UNC13B: variants seen among roughly 807,000 people sequenced by gnomAD.
UNC13B encodes the protein protein unc-13 homolog B.
Under a neutral mutation model 211.0 loss-of-function variants are expected in UNC13B, and 144 were observed. That is an observed-to-expected ratio of 0.68 (90% CI 0.60 to 0.78). The LOEUF (loss-of-function observed/expected upper bound fraction) is 0.78, where lower values mean the gene tolerates loss of function less well. UNC13B is among the 30% of genes least tolerant of loss of function. The pLI is 0.00. For synonymous variants in UNC13B, 709 were observed against 725.8 expected (o/e 0.98, Z 0.37); for missense variants, 1,777 against 2,002.0 (o/e 0.89, Z 2.14).
At chr9:35,345,502 G>A (rs561167971) in intron 11 of UNC13B, among the ~76,000 whole-genome samples, 2 of 152,264 alleles carry the variant, frequency 1.3e-5, no homozygotes, top group South Asian at 4.1e-4. Flanking sequence ...TACTAAGGGT[G>A]AAAGATGAGG....
chr9:35,397,730 G>T lies in UNC13B; in HGVS notation c.11754+18G>T, dbSNP rs768785736. 6.8e-6 allele frequency: 11 copies of T among 1,612,998 alleles called. No individual in the cohort carries two copies. Among genetic ancestry groups the T allele is most frequent in the Non-Finnish European group, 8.5e-6 (10 of 1,179,414 alleles). ...AGAAACTGGTAGGTTCAGGCCCTGG[G>T]ACTCTTACAGAAAGAGAGTGGAAGA... On this transcript the variant is annotated intron_variant, in intron 30 of 39. Transcript: ENST00000635942.
At chr9:35,270,733 G>A (rs1404512647) in intron 7 of UNC13B, among the ~76,000 whole-genome samples, 1 of 151,980 alleles carries the variant, frequency 6.6e-6, no homozygotes, top group African/African-American at 2.4e-5. Context: ...TGTCCTTTTT[G>A]CACCATTGTA....
intron 11 of UNC13B, chr9:35,353,823 A>G (rs1026018241): frequency 1.6e-6 from 2 of 1,226,220 alleles, no homozygotes; most frequent in African/African-American, 3.1e-5. Flanking sequence ...ATTCTGAGTC[A>G]CTATTTAACA....
intron 3 of UNC13B, among the ~76,000 whole-genome samples, chr9:35,233,969 A>G (rs543101190): frequency 5.7e-4 from 87 of 152,298 alleles, no homozygotes; most frequent in Middle Eastern, 3.4e-3. Context: ...CCTTCTCCCT[A>G]GAGAGTTCTC....
rs1281047153 is a variant in UNC13B, at chr9:35,350,607, GCTACCTGCCTCT to G, written c.9415-16325_9415-16314del. 3.9e-5 allele frequency among the ~76,000 whole-genome samples: 6 copies of G among 152,112 alleles called. No homozygotes were observed. In the South Asian group the frequency reaches 6.2e-4, roughly 16 times the overall value. ...TGAGTTCATGATACCTGTCTCTTTG[GCTACCTGCCTCT>G]CTACCTGCCTCTCTCATGCTAAATG... On this transcript the variant is annotated intron_variant, in intron 11 of 39. Coordinates refer to ENST00000635942, the MANE Select transcript of UNC13B (RefSeq NM_001371189.2).
intron 6 of UNC13B, among the ~76,000 whole-genome samples, chr9:35,244,900 T>C (rs899286465): frequency 2.0e-5 from 3 of 152,166 alleles, no homozygotes; most frequent in Non-Finnish European, 2.9e-5. Context: ...TCTACTCTTT[T>C]CAGGGTTTTC....
At chr9:35,353,654 C>T (rs1022177079) in intron 11 of UNC13B, 5 of 1,232,018 alleles carry the variant, frequency 4.1e-6, no homozygotes, top group African/African-American at 1.6e-5. Flanking sequence ...GCAGGGCAGA[C>T]TGAGCCTAGA....
Position 35,381,821 on chromosome 9 carries a change from G to A in UNC13B, c.10655+102G>A. The A allele has an allele frequency of 3.5e-6, 5 of 1,425,092 alleles. No individual in the cohort carries two copies. In the South Asian group the frequency reaches 6.5e-5, roughly 18 times the overall value. The allele number at this position is 1,425,092 out of a possible 1,614,324, so 88.3% of individuals were successfully genotyped here. A position where few individuals can be genotyped will look rare whatever the true frequency, so the allele number is the denominator to read the frequency against. Reference sequence around the variant, plus strand: ...CAGGTCCTTAGTGAGGTAGCATGCAGTGATTCCTTTACTTTCCTCTCTGAG... The same window carrying A: ...CAGGTCCTTAGTGAGGTAGCATGCAATGATTCCTTTACTTTCCTCTCTGAG... On this transcript the variant is annotated intron_variant, in intron 20 of 39. Coordinates refer to ENST00000635942, the MANE Select transcript of UNC13B (RefSeq NM_001371189.2).
At chr9:35,215,790 G>A (rs992464457) in intron 1 of UNC13B, among the ~76,000 whole-genome samples, 2 of 152,204 alleles carry the variant, frequency 1.3e-5, no homozygotes, top group African/African-American at 4.8e-5. Flanking sequence ...ACATGAGCAG[G>A]TGCTAAAGCC....
chr9:35,240,835 C>T (rs568416780), intron 5 of UNC13B, among the ~76,000 whole-genome samples: 1 of 152,060 alleles, frequency 6.6e-6, no homozygotes, highest in South Asian at 2.1e-4. Context: ...GTGGGTGGAT[C>T]ATGAGGTCAG....
intron 6 of UNC13B, among the ~76,000 whole-genome samples, chr9:35,257,571 A>C (rs1294298531): frequency 8.8e-6 from 1 of 114,132 alleles, no homozygotes; most frequent in Admixed American, 1.1e-4. Context: ...AAAGAGTGAG[A>C]ATCTGTATCA....
At chr9:35,162,764 C>G (rs1487193747) in intron 1 of UNC13B, among the ~76,000 whole-genome samples, 2 of 152,212 alleles carry the variant, frequency 1.3e-5, no homozygotes, top group Non-Finnish European at 2.9e-5. Context: ...TATTGCTTGT[C>G]TTGTCCCCTG....
intron 1 of UNC13B, among the ~76,000 whole-genome samples, chr9:35,181,417 C>T (rs920391394): frequency 1.3e-5 from 2 of 152,056 alleles, no homozygotes; most frequent in African/African-American, 4.8e-5. Flanking sequence ...TGAGATATGA[C>T]CTGAAATTTA....
At position 35,405,173 on chromosome 9, in the gene UNC13B, C is replaced by T. The variant is rs1836597495; in HGVS notation, c.*1140C>T. The T allele has an allele frequency of 6.6e-6, 1 of 152,610 alleles. No individual in the cohort carries two copies. Among genetic ancestry groups the T allele is most frequent in the Non-Finnish European group, 1.5e-5 (1 of 68,038 alleles). The allele number at this position is 152,610 out of a possible 1,614,324, so 9.5% of individuals were successfully genotyped here. A position where few individuals can be genotyped will look rare whatever the true frequency, so the allele number is the denominator to read the frequency against. Reference sequence around the variant, plus strand: ...AGATGTGACATGGTTCTTGGATTTCCTCTGTAGCAGCCTCCTGGACTTCCT... The same window carrying T: ...AGATGTGACATGGTTCTTGGATTTCTTCTGTAGCAGCCTCCTGGACTTCCT... On this transcript the variant is annotated 3_prime_UTR_variant, in exon 40 of 40. Transcript: ENST00000635942.
At chr9:35,176,454 A>G (rs750420776) in intron 1 of UNC13B, among the ~76,000 whole-genome samples, 1 of 152,120 alleles carries the variant, frequency 6.6e-6, no homozygotes, top group Non-Finnish European at 1.5e-5. Flanking sequence ...ACTCTGAGGC[A>G]TGAGAATCGC....
intron 6 of UNC13B, among the ~76,000 whole-genome samples, chr9:35,254,460 T>C (rs1201568068): frequency 6.6e-6 from 1 of 152,136 alleles, no homozygotes; most frequent in African/African-American, 2.4e-5. Context: ...TCTCCACCCT[T>C]ATGACCTAAT....
intron 6 of UNC13B, among the ~76,000 whole-genome samples, chr9:35,244,796 TTA>T (rs1825993862): frequency 6.6e-6 from 1 of 152,180 alleles, no homozygotes; most frequent in South Asian, 2.1e-4. Context: ...TCACAGATAC[TTA>T]GGGTTAGAAG....
intron 11 of UNC13B, among the ~76,000 whole-genome samples, chr9:35,346,733 A>C (rs1369940363): frequency 6.6e-6 from 1 of 152,116 alleles, no homozygotes; most frequent in Non-Finnish European, 1.5e-5. Flanking sequence ...CAGAGTCAAT[A>C]GGCCAACAAA....
chr9:35,274,112 A>T (rs1828041504), intron 7 of UNC13B, among the ~76,000 whole-genome samples: 1 of 152,154 alleles, frequency 6.6e-6, no homozygotes, highest in African/African-American at 2.4e-5. Context: ...CCTGGTTAGA[A>T]ATCTGGATCT....
Sources: gnomAD v4.1 joint callset for allele counts (sites outside exome capture counted in the v4.1 genomes callset) on GRCh38, gnomAD v4.1.1 for gene constraint, MANE v1.5 for transcripts, NCBI Gene and HGNC (gene_info 2026-07-23, HGNC 2026-07-21) for gene names.